The following DTWD2 variants were observed in gnomAD, a reference collection of about 807,000 sequenced individuals.
DTWD2 encodes DTW motif tRNA-uridine aminocarboxypropyltransferase 2.
Under a neutral mutation model 31.8 loss-of-function variants are expected in DTWD2, and 39 were observed. That is an observed-to-expected ratio of 1.22 (90% confidence interval 0.95 to 1.60). DTWD2 has a LOEUF of 1.60. DTWD2 is among the 40% of genes most tolerant of loss of function. The pLI is 0.00. For synonymous variants in DTWD2, 180 were observed against 142.8 expected, an observed-to-expected ratio of 1.26 and a Z score of -1.86; for missense variants, 515 against 381.5, an observed-to-expected ratio of 1.35 and a Z score of -2.92.
chr5:118,933,797 A>G (rs1043130497), intron 3 of DTWD2, among the ~76,000 whole-genome samples: 1 of 151,996 alleles, frequency 6.6e-6, no homozygotes, highest in Non-Finnish European at 1.5e-5. Context: ...CCAAAGATAT[A>G]CAAACTAGAA....
Position 118,960,032 on chromosome 5 carries a change from G to A in DTWD2, c.219-15383C>T, listed in dbSNP as rs140036409. On this transcript the variant is annotated intron_variant, in intron 1 of 5. Coordinates refer to ENST00000510708, the MANE Select transcript of DTWD2 (RefSeq NM_173666.4). Reference sequence around the variant, plus strand: ...AAAACACCACTATAGACTAGGCACTGGCAAAGAATTTATGATGAAGATGCT... The same window carrying A: ...AAAACACCACTATAGACTAGGCACTAGCAAAGAATTTATGATGAAGATGCT... Among the ~76,000 whole-genome samples, 802 of 152,178 alleles carry A rather than the reference G, an allele frequency of 5.3e-3. 2 individuals carry two copies. The highest frequency in any genetic ancestry group is 5.5e-3 in the Non-Finnish European group (377 of 67,990).
At chr5:118,939,533 T>C (rs942598894) in intron 2 of DTWD2, among the ~76,000 whole-genome samples, 1 of 152,164 alleles carries the variant, frequency 6.6e-6, no homozygotes, top group Non-Finnish European at 1.5e-5. Context: ...GAAGATTACA[T>C]TAATATATAT....
intron 4 of DTWD2, among the ~76,000 whole-genome samples, chr5:118,878,129 T>C (rs1332697386): frequency 1.3e-5 from 2 of 152,142 alleles, no homozygotes; most frequent in African/African-American, 4.8e-5. Flanking sequence ...TAAATTCTCA[T>C]TGAGATTCTT....
At chr5:118,974,156 A>C (rs2149600376) in intron 1 of DTWD2, 2 of 1,537,130 alleles carry the variant, frequency 1.3e-6, no homozygotes, top group Middle Eastern at 2.3e-4. Context: ...AAACTAAAAA[A>C]AAAGGCCGCC....
At chr5:118,883,382 GT>G (rs1287444903) in intron 4 of DTWD2, among the ~76,000 whole-genome samples, 1 of 152,092 alleles carries the variant, frequency 6.6e-6, no homozygotes, top group Non-Finnish European at 1.5e-5. Context: ...CCTCCAAACT[GT>G]TCCAACCTCT....
At chr5:118,902,063 T>C (rs1057033331) in intron 4 of DTWD2, among the ~76,000 whole-genome samples, 60 of 152,342 alleles carry the variant, frequency 3.9e-4, no homozygotes, top group African/African-American at 1.3e-3. Context: ...AATGTGTCTA[T>C]ATAATCACAT....
intron 4 of DTWD2, among the ~76,000 whole-genome samples, chr5:118,850,916 T>A (rs1751986077): frequency 1.3e-5 from 2 of 151,946 alleles, no homozygotes; most frequent in Non-Finnish European, 1.5e-5. Context: ...GATGAAAAAA[T>A]GCTCAGTATC....
chr5:118,986,514 T>C (rs541420252), intron 1 of DTWD2, among the ~76,000 whole-genome samples: 3 of 152,256 alleles, frequency 2.0e-5, no homozygotes, highest in Non-Finnish European at 4.4e-5. Context: ...ATGAATACAG[T>C]TTAAGTAAAT....
intron 4 of DTWD2, among the ~76,000 whole-genome samples, chr5:118,875,509 T>A: frequency 1.1e-5 from 1 of 89,068 alleles, no homozygotes; most frequent in African/African-American, 4.7e-5. Flanking sequence ...GGGAGAAAAA[T>A]CTACCAAGCA....
chr5:118,970,290 G>A (rs1219315560), intron 1 of DTWD2, among the ~76,000 whole-genome samples: 1 of 152,200 alleles, frequency 6.6e-6, no homozygotes, highest in Non-Finnish European at 1.5e-5. Flanking sequence ...AGCCAAGCAT[G>A]GTGGTGTGCA....
At chr5:118,924,043 T>C (rs1283772424) in intron 4 of DTWD2, among the ~76,000 whole-genome samples, 2 of 152,158 alleles carry the variant, frequency 1.3e-5, no homozygotes, top group African/African-American at 2.4e-5. Context: ...AGATTCTGTA[T>C]CCCTCCCCTA....
chr5:118,975,222 C>A (rs1262321436), intron 1 of DTWD2, among the ~76,000 whole-genome samples: 1 of 152,066 alleles, frequency 6.6e-6, no homozygotes, highest in African/African-American at 2.4e-5. Flanking sequence ...TTTGTTCGTT[C>A]CTTTTCATTC....
At chr5:118,961,839 T>A (rs919496523) in intron 1 of DTWD2, among the ~76,000 whole-genome samples, 1 of 152,220 alleles carries the variant, frequency 6.6e-6, no homozygotes, top group Non-Finnish European at 1.5e-5. Flanking sequence ...CAGTTAAAAA[T>A]TTTCTTTGCT....
intron 1 of DTWD2, among the ~76,000 whole-genome samples, chr5:118,977,729 G>A (rs945498154): frequency 1.3e-5 from 2 of 152,124 alleles, no homozygotes; most frequent in Non-Finnish European, 2.9e-5. Flanking sequence ...TCACGGACAG[G>A]AAGAATCAAT....
intron 1 of DTWD2, among the ~76,000 whole-genome samples, chr5:118,963,454 G>T (rs1397258912): frequency 1.3e-5 from 2 of 152,208 alleles, no homozygotes; most frequent in Non-Finnish European, 2.9e-5. Flanking sequence ...GGAGGAGGAA[G>T]AGATGAGTGG....
chr5:118,904,770 A>G (rs958001429), intron 4 of DTWD2, among the ~76,000 whole-genome samples: 1 of 152,166 alleles, frequency 6.6e-6, no homozygotes, highest in Admixed American at 6.5e-5. Context: ...TAAACGTTCA[A>G]TTTTGAATAG....
intron 1 of DTWD2, among the ~76,000 whole-genome samples, chr5:118,981,381 A>T (rs1426639108): frequency 6.6e-6 from 1 of 152,222 alleles, no homozygotes. Context: ...TTTTGAAAAA[A>T]GAATTAGACT....
At chr5:118,982,395 G>T (rs564130079) in intron 1 of DTWD2, among the ~76,000 whole-genome samples, 1 of 151,508 alleles carries the variant, frequency 6.6e-6, no homozygotes, top group African/African-American at 2.4e-5. Context: ...ACTTAATTAA[G>T]GTTATGAAAA....
chr5:118,884,678 A>G (rs1253979833), intron 4 of DTWD2, among the ~76,000 whole-genome samples: 2 of 152,164 alleles, frequency 1.3e-5, no homozygotes, highest in East Asian at 3.9e-4. Context: ...TTTGTATCCT[A>G]TTTCTCCGGA....
Sources: gnomAD v4.1 joint callset for allele counts (sites outside exome capture counted in the v4.1 genomes callset) on GRCh38, gnomAD v4.1.1 for gene constraint, MANE v1.5 for transcripts, NCBI Gene and HGNC (gene_info 2026-07-23, HGNC 2026-07-21) for gene names.